RIMS2: variants seen among roughly 807,000 people sequenced by gnomAD.
The protein encoded by RIMS2 is regulating synaptic membrane exocytosis 2, also known as regulating synaptic membrane exocytosis protein 2.
Under a neutral mutation model 174.4 loss-of-function variants are expected in RIMS2, and 59 were observed. The ratio of observed to expected loss-of-function variants is 0.34; its 90% CI spans 0.27 to 0.42. The LOEUF (loss-of-function observed/expected upper bound fraction) is 0.42. Among genes scored for constraint, RIMS2 ranks in the 10% least tolerant of loss-of-function variants. The pLI is 1.00. For missense variants in RIMS2, 1,620 were observed against 1,666.3 expected (o/e 0.97, Z 0.48); for synonymous variants, 606 against 572.5 (o/e 1.06, Z -0.84).
chr8:103,819,755 T>C, intron 3 of RIMS2: 1 of 625,722 alleles, frequency 1.6e-6, no homozygotes. Flanking sequence ...ACTGTAAATA[T>C]AAAATTTTAT....
At chr8:103,616,380 A>G (rs2095505273) in intron 1 of RIMS2, among the ~76,000 whole-genome samples, 1 of 152,240 alleles carries the variant, frequency 6.6e-6, no homozygotes, top group Non-Finnish European at 1.5e-5. Flanking sequence ...CAAAATAATA[A>G]TAGCCACCTG....
At chr8:103,932,755 T>C (rs1160981258) in intron 12 of RIMS2, among the ~76,000 whole-genome samples, 3 of 152,252 alleles carry the variant, frequency 2.0e-5, no homozygotes, top group Admixed American at 2.0e-4. Context: ...TCTGACCAGA[T>C]AGAGCTAAAA....
chr8:103,975,713 C>T (rs2093356576), intron 16 of RIMS2: 1 of 396,534 alleles, frequency 2.5e-6, no homozygotes, highest in Non-Finnish European at 4.5e-6. Context: ...AGTGTGAGTC[C>T]ATTTTGAAAG....
intron 2 of RIMS2, among the ~76,000 whole-genome samples, chr8:103,750,751 C>G (rs1309837494): frequency 2.0e-5 from 3 of 152,102 alleles, no homozygotes; most frequent in Non-Finnish European, 2.9e-5. Context: ...ATTCTCTCTC[C>G]TGCTGCCCTG....
chr8:103,734,936 T>C (rs1234470742), intron 2 of RIMS2, among the ~76,000 whole-genome samples: 4 of 133,732 alleles, frequency 3.0e-5, no homozygotes, highest in African/African-American at 1.1e-4. Context: ...GGCACAGGTT[T>C]TCTGTACTGT....
intron 2 of RIMS2, among the ~76,000 whole-genome samples, chr8:103,704,137 T>G (rs1286022327): frequency 6.6e-6 from 1 of 150,508 alleles, no homozygotes; most frequent in East Asian, 1.9e-4. Flanking sequence ...ATATGGCCTT[T>G]TTTATTTTCA....
At chr8:104,110,447 T>C (rs553336670) in intron 19 of RIMS2, among the ~76,000 whole-genome samples, 5 of 152,262 alleles carry the variant, frequency 3.3e-5, no homozygotes, top group African/African-American at 7.2e-5. Flanking sequence ...TAAGAACATA[T>C]TTGAGAAGCT....
chr8:103,516,429 TTA>T (rs1384323769), intron 1 of RIMS2, among the ~76,000 whole-genome samples: 8 of 152,212 alleles, frequency 5.3e-5, no homozygotes, highest in Non-Finnish European at 4.4e-5. Context: ...TTTAATTAAA[TTA>T]TGTTACATTA....
At chr8:103,768,510 T>G in intron 3 of RIMS2, 3 of 1,125,590 alleles carry the variant, frequency 2.7e-6, no homozygotes, top group Non-Finnish European at 4.1e-6. Flanking sequence ...CGCCTGCTAA[T>G]GAGTAAGGGG....
intron 1 of RIMS2, among the ~76,000 whole-genome samples, chr8:103,526,271 C>G (rs911867219): frequency 6.6e-6 from 1 of 152,164 alleles, no homozygotes; most frequent in Non-Finnish European, 1.5e-5. Flanking sequence ...TCATCGTAGT[C>G]TTTAATTAGA....
chr8:104,200,171 T>C (rs2099047450), intron 19 of RIMS2, among the ~76,000 whole-genome samples: 1 of 150,132 alleles, frequency 6.7e-6, no homozygotes, highest in Non-Finnish European at 1.5e-5. Context: ...TGAAGAGAAA[T>C]AAGAAATGAG....
At chr8:104,051,508 T>C (rs1382075671) in intron 19 of RIMS2, among the ~76,000 whole-genome samples, 9 of 152,084 alleles carry the variant, frequency 5.9e-5, no homozygotes, top group East Asian at 3.9e-4. Context: ...AATGACCATA[T>C]TATAGTCCAA....
rs368215287 is a variant in RIMS2 at position 103,698,897 on chromosome 8, TG to T, written c.387+1604del. ...ATAATGCTGGCCTGATAAAATGTGT[TG>T]GGAAGTATTTCCTCCTCTTCAACAT... is the stretch of plus-strand genomic sequence containing the variant. On this transcript the variant is annotated intron_variant, in intron 2 of 23. Transcript: ENST00000504942. Among the ~76,000 whole-genome samples the T allele has an allele frequency of 5.3e-5, 8 of 152,350 alleles. 2 individuals are homozygous for T. The highest frequency in any genetic ancestry group is 1.9e-4 in the African/African-American group (8 of 41,590).
At chr8:103,864,162 G>GT (rs1293870919) in intron 3 of RIMS2, among the ~76,000 whole-genome samples, 1 of 151,224 alleles carries the variant, frequency 6.6e-6, no homozygotes, top group African/African-American at 2.4e-5. Flanking sequence ...TGTATGATGT[G>GT]TTTTTTGTCT....
At chr8:103,789,101 A>G (rs2098471953) in intron 3 of RIMS2, among the ~76,000 whole-genome samples, 1 of 152,180 alleles carries the variant, frequency 6.6e-6, no homozygotes, top group South Asian at 2.1e-4. Context: ...GCGCTTCCCA[A>G]GGGAGGCAAT....
chr8:103,888,912 G>T (rs888393922), intron 4 of RIMS2, among the ~76,000 whole-genome samples: 1 of 151,398 alleles, frequency 6.6e-6, no homozygotes, highest in Non-Finnish European at 1.5e-5. Context: ...CATGTATTTG[G>T]CAGAAAACTA....
At chr8:104,214,199 T>G (rs2099119306) in intron 19 of RIMS2, among the ~76,000 whole-genome samples, 1 of 152,198 alleles carries the variant, frequency 6.6e-6, no homozygotes, top group African/African-American at 2.4e-5. Context: ...CCTCTCCTTG[T>G]AATTACTTGT....
chr8:103,509,324 C>T (rs1384530121), intron 1 of RIMS2, among the ~76,000 whole-genome samples: 2 of 151,976 alleles, frequency 1.3e-5, no homozygotes, highest in African/African-American at 4.8e-5. Context: ...CTGAATATTC[C>T]CTACTCCCAT....
At chr8:103,984,105 C>T (rs1289386351) in intron 16 of RIMS2, among the ~76,000 whole-genome samples, 2 of 151,736 alleles carry the variant, frequency 1.3e-5, no homozygotes, top group Non-Finnish European at 2.9e-5. Flanking sequence ...ACCTGGGAGG[C>T]GGAGCTTGCA....
Sources: allele counts gnomAD v4.1 joint callset (sites outside exome capture counted in the v4.1 genomes callset), GRCh38; gene constraint gnomAD v4.1.1; transcripts MANE v1.5; gene names NCBI Gene and HGNC (gene_info 2026-07-23, HGNC 2026-07-21).